Variants in PKIA observed in about 807,000 individuals in gnomAD.
PKIA encodes the protein cAMP-dependent protein kinase inhibitor alpha.
Under a neutral mutation model 7.6 loss-of-function variants are expected in PKIA, and 4 were observed. The ratio of observed to expected loss-of-function variants is 0.52; its 90% CI spans 0.26 to 1.20. PKIA has a LOEUF of 1.20. Among genes scored for constraint, PKIA ranks in the 50% most tolerant of loss-of-function variants. The probability of loss-of-function intolerance (pLI) is 0.13; values close to 1 mark genes in which losing one functional copy is unlikely to be tolerated. For missense variants in PKIA, 73 were observed against 86.2 expected (o/e 0.85, Z 0.61); for synonymous variants, 21 against 30.7 (o/e 0.68, Z 1.04).
At chr8:78,519,348 G>A (rs1338129403) in intron 1 of PKIA, among the ~76,000 whole-genome samples, 1 of 152,274 alleles carries the variant, frequency 6.6e-6, no homozygotes, top group African/African-American at 2.4e-5. Flanking sequence ...TGAGGCAGGA[G>A]GATTGCTTGA....
chr8:78,555,935 C>A (rs1370007661), intron 1 of PKIA, among the ~76,000 whole-genome samples: 3 of 151,970 alleles, frequency 2.0e-5, no homozygotes, highest in African/African-American at 7.2e-5. Flanking sequence ...TTTTATGGCA[C>A]TGGTGGGTAA....
At chr8:78,560,233 T>A (rs980531174) in intron 1 of PKIA, among the ~76,000 whole-genome samples, 6 of 152,216 alleles carry the variant, frequency 3.9e-5, no homozygotes, top group African/African-American at 1.4e-4. Flanking sequence ...AAAAAGACAT[T>A]TTTAAATCTG....
chr8:78,551,934 T>C (rs1268863684), intron 1 of PKIA, among the ~76,000 whole-genome samples: 2 of 152,016 alleles, frequency 1.3e-5, no homozygotes, highest in African/African-American at 4.8e-5. Context: ...GTTTAACTCC[T>C]ATTATGTGCT....
At chr8:78,570,405 A>T (rs1174565917) in intron 1 of PKIA, among the ~76,000 whole-genome samples, 1 of 152,198 alleles carries the variant, frequency 6.6e-6, no homozygotes, top group Non-Finnish European at 1.5e-5. Flanking sequence ...TACTGAAAGC[A>T]AACAACTGCC....
At chr8:78,593,777 C>T (rs368958857) in intron 2 of PKIA, among the ~76,000 whole-genome samples, 115 of 152,046 alleles carry the variant, frequency 7.6e-4, no homozygotes, top group African/African-American at 2.1e-3. Flanking sequence ...ATTAACTATG[C>T]GATTATGGGC....
Position 78,602,282 on chromosome 8 carries a change from C to G in PKIA, c.*461C>G, listed in dbSNP as rs1202005092. 1 of 171,486 alleles carries G rather than the reference C, an allele frequency of 5.8e-6. No homozygotes were observed. The highest frequency in any genetic ancestry group is 6.1e-5 in the Admixed American group (1 of 16,382). 10.6% of individuals were successfully genotyped at this position (171,486 alleles called of 1,614,324 possible). On this transcript the variant is annotated 3_prime_UTR_variant, in exon 4 of 4. Transcript: ENST00000396418. ...AAGCACTGTTTTTAGCATTACGTAT[C>G]TGTGTGTTACTGCTGTGTTATTTAC...
chr8:78,573,264 G>A (rs888781310), intron 2 of PKIA, among the ~76,000 whole-genome samples: 5 of 151,992 alleles, frequency 3.3e-5, no homozygotes, highest in African/African-American at 7.2e-5. Context: ...AATCATTTTC[G>A]TGGGTTGTCT....
At chr8:78,597,976 T>C (rs888530985) in intron 2 of PKIA, among the ~76,000 whole-genome samples, 2 of 151,712 alleles carry the variant, frequency 1.3e-5, no homozygotes, top group Non-Finnish European at 1.5e-5. Context: ...ACACTGCACG[T>C]TCTCACGTAT....
In PKIA at chr8:78,559,315, A is replaced by C. The variant is rs567178199; in HGVS notation, c.-156-13496A>C. ...CAAAACATCAACATGATCAGCAATT[A>C]AGTGGAAAGGGGTTCCTGGGGGATG... On this transcript the variant is annotated intron_variant, in intron 1 of 3. Coordinates refer to ENST00000396418, the MANE Select transcript of PKIA (RefSeq NM_006823.4). Among the ~76,000 whole-genome samples the C allele has an allele frequency of 7.9e-5, 12 of 152,250 alleles. 1 individual carries two copies. Among genetic ancestry groups the C allele is most frequent in the African/African-American group, 2.2e-4 (9 of 41,566 alleles).
At chr8:78,591,579 T>C (rs574796526) in intron 2 of PKIA, among the ~76,000 whole-genome samples, 74 of 152,312 alleles carry the variant, frequency 4.9e-4, no homozygotes, top group Middle Eastern at 6.8e-3. Flanking sequence ...AATTTTTAGA[T>C]GTCAGGTTTT....
intron 1 of PKIA, among the ~76,000 whole-genome samples, chr8:78,523,460 AAAGGGTAG>A (rs1809455102): frequency 6.6e-6 from 1 of 151,980 alleles, no homozygotes; most frequent in Non-Finnish European, 1.5e-5. Flanking sequence ...TTATGAGACC[AAAGGGTAG>A]AAGCAGCAGT....
rs1808366759 is a variant in PKIA at position 78,602,321 on chromosome 8, G to T, written c.*500G>T. 6.4e-6 allele frequency: 1 copy of T among 156,474 alleles called. No individual in the cohort carries two copies. Among genetic ancestry groups the T allele is most frequent in the South Asian group, 1.9e-4 (1 of 5,154 alleles). 9.7% of individuals were successfully genotyped at this position (156,474 alleles called of 1,614,324 possible). On this transcript the variant is annotated 3_prime_UTR_variant, in exon 4 of 4. Transcript: ENST00000396418. The stretch of plus-strand genomic sequence containing the variant: ...TGTGTTATTTACACTGTTTTGTATT[G>T]TACAATATATATGCTCAGCACTGCC...
chr8:78,517,403 G>A (rs1356569852), intron 1 of PKIA, among the ~76,000 whole-genome samples: 1 of 152,184 alleles, frequency 6.6e-6, no homozygotes, highest in African/African-American at 2.4e-5. Context: ...ATAGGCATAG[G>A]TAGAAGTAAA....
chr8:78,583,609 A>C (rs1807873714), intron 2 of PKIA, among the ~76,000 whole-genome samples: 1 of 152,096 alleles, frequency 6.6e-6, no homozygotes, highest in Non-Finnish European at 1.5e-5. Context: ...CTCTGCTTGC[A>C]TTTGCAGTCT....
chr8:78,594,225 T>C (rs754508476), intron 2 of PKIA, among the ~76,000 whole-genome samples: 2 of 152,162 alleles, frequency 1.3e-5, no homozygotes, highest in Non-Finnish European at 2.9e-5. Context: ...CTAAATCTAC[T>C]TTAACAAGAA....
At chr8:78,548,492 C>T (rs935377361) in intron 1 of PKIA, among the ~76,000 whole-genome samples, 7 of 152,150 alleles carry the variant, frequency 4.6e-5, no homozygotes, top group East Asian at 3.9e-4. Context: ...TTTTGGATTC[C>T]GGAAAACTTA....
intron 2 of PKIA, among the ~76,000 whole-genome samples, chr8:78,593,245 C>A (rs1250381277): frequency 6.6e-6 from 1 of 152,168 alleles, no homozygotes; most frequent in Non-Finnish European, 1.5e-5. Flanking sequence ...GCCTCAGCCT[C>A]CTGTGTAGCT....
At chr8:78,555,125 G>A (rs955471015) in intron 1 of PKIA, among the ~76,000 whole-genome samples, 11 of 152,104 alleles carry the variant, frequency 7.2e-5, no homozygotes, top group African/African-American at 2.4e-4. Flanking sequence ...AGGAATAGTA[G>A]TCACCTTCAG....
intron 1 of PKIA, among the ~76,000 whole-genome samples, chr8:78,532,321 ACAAACAAAC>A (rs1366709112): frequency 6.6e-6 from 1 of 151,858 alleles, no homozygotes; most frequent in African/African-American, 2.4e-5. Context: ...AAATTACAAA[ACAAACAAAC>A]AAACAAATTT....
Sources: gnomAD v4.1 joint callset for allele counts (sites outside exome capture counted in the v4.1 genomes callset) on GRCh38, gnomAD v4.1.1 for gene constraint, MANE v1.5 for transcripts, NCBI Gene and HGNC (gene_info 2026-07-23, HGNC 2026-07-21) for gene names.